Variants in FAM135B observed in about 807,000 individuals in gnomAD.
FAM135B encodes protein FAM135B.
FAM135B carries 43 observed loss-of-function variants against 127.7 expected under a neutral mutation model. The observed-to-expected ratio is 0.34, with a 90% CI of 0.26 to 0.43. The LOEUF is 0.43. Ranked by LOEUF, FAM135B falls within the 20% of genes least tolerant of loss-of-function variation. FAM135B has a pLI of 1.00. For missense variants in FAM135B, 1,558 were observed against 1,725.6 expected (o/e 0.90, Z 1.72); for synonymous variants, 670 against 665.1 (o/e 1.01, Z -0.11).
intron 1 of FAM135B, among the ~76,000 whole-genome samples, chr8:138,426,498 T>C (rs1429391216): frequency 6.6e-6 from 1 of 151,076 alleles, no homozygotes; most frequent in Non-Finnish European, 1.5e-5. Flanking sequence ...TATACACATA[T>C]GTATACTATA....
chr8:138,393,552 G>A (rs563797629), intron 1 of FAM135B, among the ~76,000 whole-genome samples: 10 of 152,232 alleles, frequency 6.6e-5, no homozygotes, highest in South Asian at 2.1e-4. Flanking sequence ...CTTAGCTTAC[G>A]GGCTGGGGGA....
intron 7 of FAM135B, among the ~76,000 whole-genome samples, chr8:138,229,941 T>C (rs1819787251): frequency 6.6e-6 from 1 of 152,178 alleles, no homozygotes; most frequent in African/African-American, 2.4e-5. Context: ...GACCTGCCCT[T>C]GACACTTTGG....
At position 138,406,690 on chromosome 8, in the gene FAM135B, C is replaced by T. The variant is rs571645633; in HGVS notation, c.-19-38688G>A. Among the ~76,000 whole-genome samples, 553 of 151,730 alleles carry T rather than the reference C, an allele frequency of 3.6e-3. 1 individual carries two copies. The highest frequency in any genetic ancestry group is 6.4e-3 in the Non-Finnish European group (433 of 67,880). On this transcript the variant is annotated intron_variant, in intron 1 of 19. Coordinates refer to ENST00000395297, the MANE Select transcript of FAM135B (RefSeq NM_015912.4). ...ATTATCTCAATAGATGCAGAAAAGG[C>T]CTTTGACAAAATTCAACAACCGTTC... is the stretch of plus-strand genomic sequence containing the variant.
At chr8:138,435,399 G>T (rs1027055111) in intron 1 of FAM135B, among the ~76,000 whole-genome samples, 4 of 152,260 alleles carry the variant, frequency 2.6e-5, no homozygotes, top group South Asian at 2.1e-4. Context: ...CAATGGTGAA[G>T]CTTGGAGTGT....
intron 1 of FAM135B, among the ~76,000 whole-genome samples, chr8:138,452,116 C>A (rs942947224): frequency 6.6e-6 from 1 of 150,382 alleles, no homozygotes; most frequent in Non-Finnish European, 1.5e-5. Context: ...TTTCATCCAC[C>A]CAATCTGCTT....
chr8:138,196,977 A>T (rs2131128365), intron 8 of FAM135B, among the ~76,000 whole-genome samples: 1 of 152,310 alleles, frequency 6.6e-6, no homozygotes, highest in East Asian at 1.9e-4. Context: ...CATCTTTGGA[A>T]AATCCATGTG....
In FAM135B at chr8:138,425,977, A is replaced by ATG. The variant is rs1297370579; in HGVS notation, c.-19-57976_-19-57975insCA. On this transcript the variant is annotated intron_variant, in intron 1 of 19. Transcript: ENST00000395297. ...CAGCCAGGCCAACATATATATATAT[A>ATG]TATATATATATATATATATATATAT... 3.2e-4 allele frequency among the ~76,000 whole-genome samples: 3 copies of ATG among 9,300 alleles called. No homozygotes were observed. The African/African-American group carries it at 4.1e-3, about 13-fold the overall frequency. 6.1% of individuals were successfully genotyped at this position (9,300 alleles called of 152,430 possible). A position where few individuals can be genotyped will look rare whatever the true frequency, so the allele number is the denominator to read the frequency against.
intron 2 of FAM135B, among the ~76,000 whole-genome samples, chr8:138,313,085 A>C (rs1343739636): frequency 1.3e-5 from 2 of 152,234 alleles, no homozygotes; most frequent in Non-Finnish European, 2.9e-5. Flanking sequence ...GTGGACTTAA[A>C]TGAAAAATAT....
chr8:138,235,040 ATCTTTT>A (rs543251018), intron 7 of FAM135B, among the ~76,000 whole-genome samples: 217 of 152,288 alleles, frequency 1.4e-3, no homozygotes, highest in Non-Finnish European at 2.5e-3. Flanking sequence ...CATATTCCTT[ATCTTTT>A]TCTGATTTTA....
chr8:138,145,385 G>A (rs186649927), intron 15 of FAM135B, among the ~76,000 whole-genome samples: 1 of 152,206 alleles, frequency 6.6e-6, no homozygotes, highest in African/African-American at 2.4e-5. Context: ...TTACCTTCCT[G>A]GAGATCATAT....
At chr8:138,254,842 C>T (rs73439003) in intron 5 of FAM135B, among the ~76,000 whole-genome samples, 1 of 152,030 alleles carries the variant, frequency 6.6e-6, no homozygotes, top group Admixed American at 6.6e-5. Context: ...AAGACATCAG[C>T]GGATGCCCCT....
intron 1 of FAM135B, among the ~76,000 whole-genome samples, chr8:138,488,842 T>C (rs1343694640): frequency 6.6e-6 from 1 of 152,160 alleles, no homozygotes; most frequent in Admixed American, 6.5e-5. Flanking sequence ...AATTTTCGTA[T>C]TTTTTGTAGA....
At chr8:138,171,266 G>A (rs1226047559) in intron 11 of FAM135B, among the ~76,000 whole-genome samples, 1 of 152,190 alleles carries the variant, frequency 6.6e-6, no homozygotes, top group Non-Finnish European at 1.5e-5. Context: ...AAAATTACCA[G>A]GTGCTAATTG....
chr8:138,316,796 C>T (rs796277842), intron 2 of FAM135B, among the ~76,000 whole-genome samples: 11 of 151,868 alleles, frequency 7.2e-5, no homozygotes, highest in African/African-American at 1.9e-4. Flanking sequence ...CTGGCTAACA[C>T]GGTGAAACCC....
At chr8:138,224,892 G>C (rs1563790660) in intron 7 of FAM135B, among the ~76,000 whole-genome samples, 1 of 152,164 alleles carries the variant, frequency 6.6e-6, no homozygotes, top group Non-Finnish European at 1.5e-5. Flanking sequence ...AAATAGAAAG[G>C]TGTTTATTAG....
intron 19 of FAM135B, among the ~76,000 whole-genome samples, chr8:138,134,448 C>T (rs898437217): frequency 3.3e-5 from 5 of 152,066 alleles, no homozygotes; most frequent in Admixed American, 6.5e-5. Context: ...TCTGCTGAGA[C>T]CTTGATTGGT....
intron 2 of FAM135B, among the ~76,000 whole-genome samples, chr8:138,360,955 T>C (rs1004212993): frequency 1.3e-5 from 2 of 149,098 alleles, no homozygotes; most frequent in African/African-American, 5.0e-5. Context: ...AGATGAAGTC[T>C]CACTCTGTTG....
chr8:138,308,336 C>G (rs1424211691), intron 3 of FAM135B, among the ~76,000 whole-genome samples: 2 of 152,184 alleles, frequency 1.3e-5, no homozygotes, highest in Admixed American at 6.5e-5. Flanking sequence ...ATGTCCCCAG[C>G]CTAGGCTGGC....
chr8:138,152,291 T>C lies in FAM135B; in HGVS notation c.2184A>G (p.Leu728=). 9 of 1,614,068 alleles carry C rather than the reference T, an allele frequency of 5.6e-6. No homozygotes were observed. Among genetic ancestry groups the C allele is most frequent in the Non-Finnish European group, 7.6e-6 (9 of 1,180,012 alleles). ...VRRHALHRNS[L]EGGHTESNTS... The stretch of plus-strand genomic sequence containing the variant: ...TGTTACTTTCTGTGTGTCCACCCTC[T>C]AGGGAGTTCCGGTGGAGGGCATGTC... Residue 728 remains leucine (L), a synonymous_variant, in exon 13 of 20, where the codon CTA becomes CTG. Coordinates refer to ENST00000395297, the MANE Select transcript of FAM135B (RefSeq NM_015912.4).
Sources: gnomAD v4.1 joint callset for allele counts (sites outside exome capture counted in the v4.1 genomes callset) on GRCh38, gnomAD v4.1.1 for gene constraint, MANE v1.5 for transcripts, NCBI Gene and HGNC (gene_info 2026-07-23, HGNC 2026-07-21) for gene names.